The following FAM153A variants were observed in gnomAD, a reference collection of about 807,000 sequenced individuals.
The protein encoded by FAM153A is protein FAM153A.
In FAM153A, 12 loss-of-function variants were observed where a neutral mutation model predicts 48.1. The observed-to-expected ratio is 0.25, with a 90% CI of 0.16 to 0.40. FAM153A has a LOEUF of 0.40. Among genes scored for constraint, FAM153A ranks in the 10% least tolerant of loss-of-function variants. FAM153A has a pLI of 1.00. For missense variants in FAM153A, 111 were observed against 345.8 expected, an observed-to-expected ratio of 0.32 and a Z score of 5.38; for synonymous variants, 36 against 118.2, an observed-to-expected ratio of 0.30 and a Z score of 4.51.
exon 27 of FAM153A, chr5:177,712,330 G>A (rs1442187545): frequency 6.6e-6 from 1 of 151,950 alleles, no homozygotes. Flanking sequence ...AAATTTGCTG[G>A]GAGTGGTGGC....
the FAM153A span, among the ~76,000 whole-genome samples, chr5:177,696,691 T>C: frequency 0.39 from 58,484 of 148,116 alleles, 12,325 homozygotes; most frequent in East Asian, 0.55. Flanking sequence ...TTTTTCTAGA[T>C]AGTCTTGCTC....
chr5:177,716,735 G>T (rs914722830), intron 24 of FAM153A, among the ~76,000 whole-genome samples: 1 of 151,824 alleles, frequency 6.6e-6, no homozygotes, highest in African/African-American at 2.4e-5. Flanking sequence ...ATTGACATAT[G>T]CATAAAGCTT....
chr5:177,700,932 C>T, the FAM153A span, among the ~76,000 whole-genome samples: 3 of 151,880 alleles, frequency 2.0e-5, no homozygotes, highest in Non-Finnish European at 4.4e-5. Context: ...ATCCATGTCC[C>T]CACCTGAATC....
Position 177,758,567 on chromosome 5 carries a change from T to G in FAM153A, c.-56-9868A>C, listed in dbSNP as rs1359852834. 7.3e-5 allele frequency among the ~76,000 whole-genome samples: 10 copies of G among 136,988 alleles called. 1 individual carries two copies. Among genetic ancestry groups the G allele is most frequent in the African/African-American group, 2.6e-4 (10 of 39,006 alleles). 89.9% of individuals were successfully genotyped at this position (136,988 alleles called of 152,430 possible). A position where few individuals can be genotyped will look rare whatever the true frequency, so the allele number is the denominator to read the frequency against. On this transcript the variant is annotated intron_variant, in intron 1 of 8. Transcript: ENST00000393518. The stretch of plus-strand genomic sequence containing the variant: ...AGCTGGAGGCATCATGCTACCTGAC[T>G]TCAAACTATACTACAAGGCTACAGT...
rs190895815 is a variant in FAM153A at position 177,766,531 on chromosome 5, A to T, written c.-57+13918T>A. 5.4e-3 allele frequency among the ~76,000 whole-genome samples: 434 copies of T among 79,676 alleles called. 121 individuals are homozygous for T. The highest frequency in any genetic ancestry group is 8.4e-3 in the Non-Finnish European group (338 of 40,296). The allele number at this position is 79,676 out of a possible 152,430, so 52.3% of individuals were successfully genotyped here. A position where few individuals can be genotyped will look rare whatever the true frequency, so the allele number is the denominator to read the frequency against. On this transcript the variant is annotated intron_variant, in intron 1 of 8. Transcript: ENST00000393518. ...TGGAAAAAGGAAAAAGTCTAAAAAA[A>T]AGTATTATGGAATTAAGCAGAAATA...
downstream of FAM153A, among the ~76,000 whole-genome samples, chr5:177,707,611 CT>C (rs1757980491): frequency 1.3e-5 from 2 of 150,202 alleles, no homozygotes; most frequent in Admixed American, 1.4e-4. Flanking sequence ...GGTGACGTCC[CT>C]GATTAAATAA....
At chr5:177,757,727 C>G (rs1447965266), upstream of FAM153A, among the ~76,000 whole-genome samples, 2 of 150,882 alleles carry the variant, frequency 1.3e-5, no homozygotes, top group Non-Finnish European at 2.9e-5. Flanking sequence ...AGACAAAAAC[C>G]ACATGATTAT....
At chr5:177,708,833 G>A (rs1171067319), downstream of FAM153A, among the ~76,000 whole-genome samples, 1 of 151,540 alleles carries the variant, frequency 6.6e-6, no homozygotes, top group Non-Finnish European at 1.5e-5. Flanking sequence ...AGTGGCTCAC[G>A]CCTGTAATCC....
the FAM153A span, among the ~76,000 whole-genome samples, chr5:177,696,421 G>C: frequency 6.6e-6 from 1 of 151,962 alleles, no homozygotes; most frequent in Non-Finnish European, 1.5e-5. Flanking sequence ...GGGGCAGCCG[G>C]GCAGAGGTGC....
chr5:177,700,035 T>C, the FAM153A span, among the ~76,000 whole-genome samples: 2 of 152,082 alleles, frequency 1.3e-5, no homozygotes, highest in Non-Finnish European at 2.9e-5. Flanking sequence ...ATCCCAGGAA[T>C]GCATGCAGTT....
chr5:177,702,412 T>G, the FAM153A span, among the ~76,000 whole-genome samples: 8 of 151,938 alleles, frequency 5.3e-5, 1 homozygote, highest in African/African-American at 1.9e-4. Context: ...AGAAATGACC[T>G]AAAGTTGGAA....
chr5:177,757,774 A>G (rs1297919861), upstream of FAM153A, among the ~76,000 whole-genome samples: 2,931 of 151,202 alleles, frequency 0.019, 11 homozygotes, highest in African/African-American at 0.068. Context: ...GCAAAATTCA[A>G]CAGCCCTTCA....
downstream of FAM153A, among the ~76,000 whole-genome samples, chr5:177,707,618 A>G (rs111239891): frequency 6.7e-6 from 1 of 149,058 alleles, no homozygotes; most frequent in African/African-American, 2.4e-5. Flanking sequence ...TCCCTGATTA[A>G]ATAACTTTTT....
chr5:177,707,442 AAAAAG>A (rs1445617824), downstream of FAM153A, among the ~76,000 whole-genome samples: 16 of 152,064 alleles, frequency 1.1e-4, 1 homozygote, highest in East Asian at 2.5e-3. Context: ...TTCTTGGAAA[AAAAAG>A]GAAACGAGAG....
downstream of FAM153A, among the ~76,000 whole-genome samples, chr5:177,710,114 C>CTTTTT (rs544809781): frequency 6.4e-5 from 9 of 141,306 alleles, 1 homozygote; most frequent in African/African-American, 2.4e-4. Context: ...TGTTTAATAC[C>CTTTTT]TTTTTTTTTT....
At chr5:177,741,582 C>T (rs906622462) in intron 6 of FAM153A, among the ~76,000 whole-genome samples, 6 of 93,246 alleles carry the variant, frequency 6.4e-5, no homozygotes, top group African/African-American at 2.2e-4. Context: ...CATCATTCCC[C>T]TATGCGTTTT....
chr5:177,781,410 C>A (rs1769652229), upstream of FAM153A, among the ~76,000 whole-genome samples: 2 of 129,628 alleles, frequency 1.5e-5, no homozygotes, highest in Admixed American at 7.9e-5. Context: ...CCTGAGCCAC[C>A]GCGCCCAGCC....
At chr5:177,714,222 CAA>C (rs1248489291) in intron 25 of FAM153A, 2 of 150,672 alleles carry the variant, frequency 1.3e-5, no homozygotes, top group African/African-American at 4.9e-5. Flanking sequence ...AATATATTAA[CAA>C]ATAGCACAAC....
At chr5:177,743,195 TTTTTTG>T (rs1561923087) in intron 6 of FAM153A, among the ~76,000 whole-genome samples, 1,190 of 97,488 alleles carry the variant, frequency 0.012, no homozygotes, top group Middle Eastern at 0.036. Context: ...CACTTGTTTT[TTTTTTG>T]TTTTGTTTTT....
Sources: gnomAD v4.1 joint callset for allele counts (sites outside exome capture counted in the v4.1 genomes callset) on GRCh38, gnomAD v4.1.1 for gene constraint, MANE v1.5 for transcripts, NCBI Gene and HGNC (gene_info 2026-07-23, HGNC 2026-07-21) for gene names.